Variants in GPBP1 observed in about 807,000 individuals in gnomAD.
GPBP1 encodes vasculin.
In GPBP1, 13 loss-of-function variants were observed where a neutral mutation model predicts 56.5. The ratio of observed to expected loss-of-function variants is 0.23; its 90% CI spans 0.15 to 0.37. The LOEUF is 0.37. Among genes scored for constraint, GPBP1 ranks in the 10% least tolerant of loss-of-function variants. The pLI, the probability that GPBP1 is intolerant of heterozygous loss-of-function variation, is 1.00. For missense variants in GPBP1, 477 were observed against 572.3 expected, an observed-to-expected ratio of 0.83 and a Z score of 1.70; for synonymous variants, 204 against 188.9, an observed-to-expected ratio of 1.08 and a Z score of -0.66.
intron 3 of GPBP1, among the ~76,000 whole-genome samples, chr5:57,229,942 C>CGTCCT (rs1334589771): frequency 4.5e-5 from 1 of 22,258 alleles, no homozygotes; most frequent in African/African-American, 3.7e-4. Context: ...CATCGCATCG[C>CGTCCT]GTCCCGTCCC....
chr5:57,250,942 T>C lies in GPBP1; in HGVS notation c.973-12T>C. The stretch of plus-strand genomic sequence containing the variant: ...TCATTCTTTTTTTTTTTTTTAACTC[T>C]CTAAAAATCAGGATGACGACTCATT... On this transcript the variant is annotated splice_polypyrimidine_tract_variant and intron_variant, in intron 9 of 11. Transcript: ENST00000506184. 6.7e-7 allele frequency: 1 copy of C among 1,492,908 alleles called. No individual in the cohort carries two copies. The highest frequency in any genetic ancestry group is 2.1e-5 in the Admixed American group (1 of 46,874). 92.5% of individuals were successfully genotyped at this position (1,492,908 alleles called of 1,614,324 possible).
At chr5:57,199,955 A>C (rs1046610483) in intron 2 of GPBP1, among the ~76,000 whole-genome samples, 9 of 142,836 alleles carry the variant, frequency 6.3e-5, no homozygotes, top group Non-Finnish European at 1.2e-4. Context: ...ACTTCAAGTG[A>C]TCTACCTGCC....
intron 2 of GPBP1, among the ~76,000 whole-genome samples, chr5:57,187,005 T>C (rs1227764725): frequency 3.4e-5 from 1 of 29,190 alleles, no homozygotes; most frequent in South Asian, 8.7e-4. Context: ...CTCAGAGAAG[T>C]GTGTGTGTGT....
chr5:57,223,718 G>A (rs1756052455), intron 3 of GPBP1, among the ~76,000 whole-genome samples: 1 of 150,444 alleles, frequency 6.6e-6, no homozygotes, highest in African/African-American at 2.4e-5. Flanking sequence ...GGTATAATTG[G>A]TATAAAAGAA....
At chr5:57,202,198 T>TG (rs1424475294) in intron 2 of GPBP1, among the ~76,000 whole-genome samples, 1 of 152,182 alleles carries the variant, frequency 6.6e-6, no homozygotes, top group Non-Finnish European at 1.5e-5. Flanking sequence ...TTGACCAGGC[T>TG]GGTCTCAAAC....
chr5:57,219,404 C>CAA (rs1491436205), intron 3 of GPBP1, among the ~76,000 whole-genome samples: 41 of 25,098 alleles, frequency 1.6e-3, no homozygotes, highest in African/African-American at 3.2e-3. Context: ...AAAAAAAAAA[C>CAA]CAAAAACAAA....
intron 2 of GPBP1, among the ~76,000 whole-genome samples, chr5:57,190,448 G>A (rs150016838): frequency 6.1e-4 from 93 of 152,020 alleles, no homozygotes; most frequent in African/African-American, 2.1e-3. Flanking sequence ...AGCCGAGCGT[G>A]TTGGCACGCA....
intron 2 of GPBP1, among the ~76,000 whole-genome samples, chr5:57,185,040 T>G (rs994946854): frequency 2.0e-5 from 3 of 152,216 alleles, no homozygotes; most frequent in African/African-American, 7.2e-5. Context: ...TTCAGAGACA[T>G]TTTGTTTGTT....
At chr5:57,211,053 C>T (rs1421375186) in intron 2 of GPBP1, among the ~76,000 whole-genome samples, 1 of 151,862 alleles carries the variant, frequency 6.6e-6, no homozygotes. Context: ...GAAGAAGAGA[C>T]AAAATCAGAT....
chr5:57,204,913 T>C (rs1468111833), intron 2 of GPBP1, among the ~76,000 whole-genome samples: 1 of 152,212 alleles, frequency 6.6e-6, no homozygotes, highest in Non-Finnish European at 1.5e-5. Flanking sequence ...TTTTTTAATT[T>C]ATTCAAGAGA....
intron 2 of GPBP1, among the ~76,000 whole-genome samples, chr5:57,194,455 AG>A (rs1179006703): frequency 2.0e-5 from 3 of 152,224 alleles, no homozygotes; most frequent in African/African-American, 7.2e-5. Context: ...TTTTGATAAA[AG>A]CATACAGTGT....
At chr5:57,250,485 C>T (rs1741328814) in intron 9 of GPBP1, among the ~76,000 whole-genome samples, 1 of 150,734 alleles carries the variant, frequency 6.6e-6, no homozygotes, top group South Asian at 2.1e-4. Flanking sequence ...TTTGGATATC[C>T]ATCCTGGCTT....
chr5:57,211,361 A>C (rs1405997320), intron 2 of GPBP1, among the ~76,000 whole-genome samples: 1 of 151,124 alleles, frequency 6.6e-6, no homozygotes, highest in Non-Finnish European at 1.5e-5. Context: ...CGGTTTTTAA[A>C]ATTTTTTGTA....
intron 3 of GPBP1, among the ~76,000 whole-genome samples, chr5:57,214,476 T>G (rs1447532917): frequency 1.3e-5 from 2 of 151,990 alleles, no homozygotes; most frequent in African/African-American, 4.8e-5. Context: ...TCCCAGCTAT[T>G]CAAGAGGCTG....
intron 2 of GPBP1, among the ~76,000 whole-genome samples, chr5:57,179,844 A>G (rs1753963473): frequency 6.6e-6 from 1 of 151,908 alleles, no homozygotes; most frequent in South Asian, 2.1e-4. Flanking sequence ...ATGTCTGTCC[A>G]CCTCTGCCTC....
chr5:57,206,940 A>G (rs1755258383), intron 2 of GPBP1, among the ~76,000 whole-genome samples: 1 of 152,088 alleles, frequency 6.6e-6, no homozygotes, highest in Admixed American at 6.6e-5. Context: ...ATCTCTACGA[A>G]AAATATTTTT....
At chr5:57,179,005 T>C (rs960047845) in intron 2 of GPBP1, among the ~76,000 whole-genome samples, 5 of 152,186 alleles carry the variant, frequency 3.3e-5, no homozygotes, top group Non-Finnish European at 5.9e-5. Flanking sequence ...AGTACTATTA[T>C]AGTCACTGTG....
chr5:57,216,095 A>G (rs183144725), intron 3 of GPBP1, among the ~76,000 whole-genome samples: 219 of 152,328 alleles, frequency 1.4e-3, no homozygotes, highest in African/African-American at 5.0e-3. Context: ...TTAGGGCCTC[A>G]GTGTTCTTGG....
chr5:57,212,836 A>AT (rs987991655), intron 2 of GPBP1, among the ~76,000 whole-genome samples: 54 of 150,186 alleles, frequency 3.6e-4, no homozygotes, highest in African/African-American at 1.1e-3. Flanking sequence ...CACCTAGCTA[A>AT]TTTTTTTTGT....
Sources: gnomAD v4.1 joint callset for allele counts (sites outside exome capture counted in the v4.1 genomes callset) on GRCh38, gnomAD v4.1.1 for gene constraint, MANE v1.5 for transcripts, NCBI Gene and HGNC (gene_info 2026-07-23, HGNC 2026-07-21) for gene names.